COQ8A: variants seen among roughly 807,000 people sequenced by gnomAD.
COQ8A encodes coenzyme Q8A.
COQ8A carries 51 observed loss-of-function variants against 65.0 expected under a neutral mutation model. That is an observed-to-expected ratio of 0.78 (90% CI 0.63 to 0.99). The LOEUF (loss-of-function observed/expected upper bound fraction) is 0.99, where lower values mean the gene tolerates loss of function less well. COQ8A is among the 50% of genes least tolerant of loss of function. The pLI, the probability that COQ8A is intolerant of heterozygous loss-of-function variation, is 0.00. For missense variants in COQ8A, 940 were observed against 875.0 expected (o/e 1.07, Z -0.94); for synonymous variants, 371 against 353.2 (o/e 1.05, Z -0.57).
At chr1:226,964,391 A>G (rs1658433441) in intron 2 of COQ8A, among the ~76,000 whole-genome samples, 1 of 152,206 alleles carries the variant, frequency 6.6e-6, no homozygotes. Context: ...CTTGGTGACC[A>G]TCACAAAGAA....
At chr1:226,985,798 G>A (rs1273755345) in intron 14 of COQ8A, among the ~76,000 whole-genome samples, 1 of 152,220 alleles carries the variant, frequency 6.6e-6, no homozygotes, top group Admixed American at 6.5e-5. Context: ...TGGGGAAGGA[G>A]TTAAAGAAAT....
intron 4 of COQ8A, among the ~76,000 whole-genome samples, chr1:226,968,635 G>A (rs1012568848): frequency 6.6e-6 from 1 of 152,146 alleles, no homozygotes; most frequent in East Asian, 1.9e-4. Context: ...TTTACACGGG[G>A]TTATGAAGGA....
At chr1:226,984,310 G>A in intron 11 of COQ8A, 75 bp downstream of exon 11, 2 of 1,598,104 alleles carry the variant, frequency 1.3e-6, no homozygotes, top group South Asian at 1.1e-5. Flanking sequence ...AATAGTGTGA[G>A]CTGGGGACTT....
In COQ8A at chr1:226,986,732, C is replaced by T. The variant is rs750925071; in HGVS notation, c.1939C>T (p.Gln647Ter). 1.9e-6 allele frequency: 3 copies of T among 1,612,894 alleles called. No individual in the cohort carries two copies. The highest frequency in any genetic ancestry group is 1.7e-5 in the Admixed American group (1 of 60,008). Residue 647 changes from glutamine to a stop codon, truncating the protein, a stop_gained, in exon 15 of 15, where the codon CAG becomes TAG. Transcript: ENST00000366777. LOFTEE classifies it high-confidence loss of function. ...CAACTACTGCAAGAGGCAGGCCCAG[C>T]AGTAGGGCTGCGGGCCACGCCCAGG... The part of the protein sequence containing the change: ...YSNYCKRQAQ[Q>*]
chr1:226,964,906 G>T, intron 2 of COQ8A, 94 bp from the exon 3 acceptor site: 1 of 1,430,594 alleles, frequency 7.0e-7, no homozygotes, highest in Non-Finnish European at 9.7e-7. Flanking sequence ...GGGGCGGGAT[G>T]CTGGTGGTGT....
At chr1:226,940,934 A>C (rs1346138824) in intron 1 of COQ8A, among the ~76,000 whole-genome samples, 1 of 152,164 alleles carries the variant, frequency 6.6e-6, no homozygotes, top group Non-Finnish European at 1.5e-5. Context: ...AACTTGGGAC[A>C]GGGGATCCTT....
intron 14 of COQ8A, among the ~76,000 whole-genome samples, chr1:226,985,944 CACTGACTCG>C (rs1208463901): frequency 3.9e-5 from 6 of 152,204 alleles, no homozygotes; most frequent in Non-Finnish European, 7.4e-5. Context: ...TGGCCACTCG[CACTGACTCG>C]ATTCCTGGCC....
At chr1:226,945,907 T>C (rs1657012116) in intron 1 of COQ8A, among the ~76,000 whole-genome samples, 1 of 152,210 alleles carries the variant, frequency 6.6e-6, no homozygotes, top group South Asian at 2.1e-4. Flanking sequence ...TGGCTTTTGC[T>C]CCTGTAAAAA....
chr1:226,956,459 G>T (rs1316487454), intron 1 of COQ8A, among the ~76,000 whole-genome samples: 1 of 86,014 alleles, frequency 1.2e-5, no homozygotes, highest in Non-Finnish European at 2.3e-5. Flanking sequence ...CTCCCTGGCT[G>T]CCACTCCCTG....
At chr1:226,985,119 C>A in intron 13 of COQ8A, 135 bp from the exon 14 acceptor site, 1 of 1,263,522 alleles carries the variant, frequency 7.9e-7, no homozygotes. Flanking sequence ...GGCGTGGTGT[C>A]ACAGCACTGG....
intron 1 of COQ8A, among the ~76,000 whole-genome samples, chr1:226,959,625 C>T (rs1325787698): frequency 6.6e-6 from 1 of 152,206 alleles, no homozygotes; most frequent in African/African-American, 2.4e-5. Flanking sequence ...TGTTTATTAG[C>T]AGTCTGTGTT....
intron 5 of COQ8A, 74 bp downstream of exon 5, chr1:226,977,597 C>G: frequency 6.7e-7 from 1 of 1,485,734 alleles, no homozygotes; most frequent in South Asian, 1.2e-5. Flanking sequence ...CCAGCCCCAC[C>G]TGTGCTCTGG....
At chr1:226,971,732 T>G (rs1054535338) in intron 4 of COQ8A, among the ~76,000 whole-genome samples, 1 of 152,224 alleles carries the variant, frequency 6.6e-6, no homozygotes, top group East Asian at 1.9e-4. Context: ...TATTGCTGCT[T>G]CTTTGAAAGT....
chr1:226,984,355 G>A, intron 11 of COQ8A, 120 bp downstream of exon 11: 1 of 1,474,288 alleles, frequency 6.8e-7, no homozygotes, highest in Non-Finnish European at 9.3e-7. Flanking sequence ...GTGAGGGGCA[G>A]TGAAGTAGCA....
intron 4 of COQ8A, among the ~76,000 whole-genome samples, chr1:226,977,102 C>A (rs929993485): frequency 2.4e-4 from 37 of 152,058 alleles, no homozygotes; most frequent in African/African-American, 8.9e-4. Flanking sequence ...GTGGACCATC[C>A]CTGGTCCGTC....
intron 1 of COQ8A, among the ~76,000 whole-genome samples, chr1:226,945,701 G>A (rs920604946): frequency 1.3e-5 from 2 of 152,220 alleles, no homozygotes; most frequent in East Asian, 1.9e-4. Context: ...TGGTGCTCAC[G>A]GTTCATGGGC....
chr1:226,960,298 T>TGG (rs1658100852), intron 1 of COQ8A, among the ~76,000 whole-genome samples: 1 of 141,252 alleles, frequency 7.1e-6, no homozygotes, highest in African/African-American at 2.7e-5. Flanking sequence ...GTGGTGGTAC[T>TGG]TGGTGGTGGT....
chr1:226,986,682 A>G lies in COQ8A; in HGVS notation c.1889A>G (p.Lys630Arg). ...CSKLKARFPC[K>R]AMFEEAYSNY... ...AAGCTGAAGGCCCGCTTCCCCTGCA[A>G]GGCCATGTTCGAGGAGGCCTACAGC... The change falls in exon 15 of 15, where the codon AAG becomes AGG. Residue 630 changes from lysine (K) to arginine (R), a missense_variant. Physicochemically the swap from Lys to Arg is conservative, Grantham distance 26. Coordinates refer to ENST00000366777, the MANE Select transcript of COQ8A (RefSeq NM_020247.5). 1 of 1,614,116 alleles carries G rather than the reference A, an allele frequency of 6.2e-7. No individual in the cohort carries two copies. The highest frequency in any genetic ancestry group is 8.5e-7 in the Non-Finnish European group (1 of 1,180,040).
rs863223886 is a variant in COQ8A, at chr1:226,984,235, GGTTT to G, written c.1398+3_1398+6del. On this transcript the variant is annotated splice_donor_variant and splice_donor_region_variant and intron_variant, in intron 11 of 14. Coordinates refer to ENST00000366777, the MANE Select transcript of COQ8A (RefSeq NM_020247.5). LOFTEE classifies it high-confidence loss of function. ...GGCTCAGCCAGGAGATTCGGAACGA[GGTTT>G]GTCTGTGCCAGCAGACAGGTGGGGC... 2.1e-5 allele frequency: 34 copies of G among 1,613,418 alleles called. No homozygotes were observed. The highest frequency in any genetic ancestry group is 2.7e-5 in the Non-Finnish European group (32 of 1,179,996).
Sources: gnomAD v4.1 joint callset for allele counts (sites outside exome capture counted in the v4.1 genomes callset) on GRCh38, gnomAD v4.1.1 for gene constraint, MANE v1.5 for transcripts, NCBI Gene and HGNC (gene_info 2026-07-23, HGNC 2026-07-21) for gene names.